RASAL1: variants seen among roughly 807,000 people sequenced by gnomAD.
RASAL1 encodes the protein RAS protein activator like 1.
A neutral mutation model predicts 96.6 loss-of-function variants in RASAL1; 72 were observed. That is an observed-to-expected ratio of 0.75 (90% confidence interval 0.62 to 0.91). The LOEUF (loss-of-function observed/expected upper bound fraction) is 0.91, where lower values mean the gene tolerates loss of function less well. Ranked by LOEUF, RASAL1 falls within the 40% of genes least tolerant of loss-of-function variation. RASAL1 has a pLI of 0.00. For synonymous variants in RASAL1, 405 were observed against 430.4 expected (o/e 0.94, Z 0.73); for missense variants, 1,016 against 1,072.5 (o/e 0.95, Z 0.74).
Position 113,115,383 on chromosome 12 carries a change from T to A in RASAL1, c.1004-119A>T, listed in dbSNP as rs907802369. On this transcript the variant is annotated intron_variant, in intron 10 of 20. Transcript: ENST00000548055. This position sits in a 1 kb window ranked among gnomAD's most constrained non-coding sequence, Gnocchi z 4.1. ...CCAAGAATCAGGAAGACCCAAAACA[T>A]CAACCCCATTCACAGTACAGAGGCC... The A allele has an allele frequency of 1.8e-6, 2 of 1,088,022 alleles. No homozygotes were observed. The highest frequency in any genetic ancestry group is 2.8e-6 in the Non-Finnish European group (2 of 712,606). The allele number at this position is 1,088,022 out of a possible 1,614,324, so 67.4% of individuals were successfully genotyped here.
chr12:113,102,153 T>C, intron 18 of RASAL1, 144 bp from the exon 19 acceptor site: 2 of 1,018,682 alleles, frequency 2.0e-6, no homozygotes, highest in East Asian at 2.5e-5. Context: ...CGGTGGCTCA[T>C]GCCTGTAATC....
chr12:113,131,968 C>CTTTTTTTTTTT (rs34936583), intron 1 of RASAL1, among the ~76,000 whole-genome samples: 1 of 118,716 alleles, frequency 8.4e-6, no homozygotes, highest in Non-Finnish European at 1.8e-5. Context: ...TCTTCTTCTT[C>CTTTTTTTTTTT]TTTTTTTTTT....
chr12:113,100,793 CCAT>C (rs555389761), intron 19 of RASAL1, 113 bp from the exon 20 acceptor site: 829 of 785,118 alleles, frequency 1.1e-3, no homozygotes, highest in East Asian at 1.4e-3. Context: ...TCACCATCTA[CCAT>C]CATCATCATC....
At chr12:113,113,434 C>T (rs1950949394) in intron 12 of RASAL1, among the ~76,000 whole-genome samples, 1 of 152,174 alleles carries the variant, frequency 6.6e-6, no homozygotes, top group Non-Finnish European at 1.5e-5. Context: ...GTCCAGGTCC[C>T]TACATGCCCC....
chr12:113,113,862 T>C (rs1294804316), intron 12 of RASAL1, among the ~76,000 whole-genome samples: 1 of 152,150 alleles, frequency 6.6e-6, no homozygotes, highest in East Asian at 1.9e-4. Context: ...CCCAATCTCA[T>C]TGAGCTCTCC....
intron 4 of RASAL1, among the ~76,000 whole-genome samples, chr12:113,126,688 TCACACA>T (rs71455143): frequency 0.024 from 3,386 of 138,994 alleles, 65 homozygotes; most frequent in South Asian, 0.074. Context: ...TCTCTCTCTC[TCACACA>T]CACACACACA....
At chr12:113,131,759 T>C (rs1253351193) in intron 1 of RASAL1, among the ~76,000 whole-genome samples, 1 of 152,130 alleles carries the variant, frequency 6.6e-6, no homozygotes, top group African/African-American at 2.4e-5. Context: ...TTCTTTGTCT[T>C]TCATCAGGCC....
chr12:113,117,239 TG>T, intron 7 of RASAL1, 78 bp from the exon 8 acceptor site: 3 of 1,109,156 alleles, frequency 2.7e-6, no homozygotes, highest in Non-Finnish European at 3.8e-6. Context: ...CACCTAGCCC[TG>T]GAAGAACAGA....
rs976749254 is a variant in RASAL1, at chr12:113,107,142, C to T, written c.1612G>A (p.Val538Met). 5.0e-6 allele frequency: 8 copies of T among 1,613,770 alleles called. No homozygotes were observed. Among genetic ancestry groups the T allele is most frequent in the Non-Finnish European group, 6.8e-6 (8 of 1,179,842 alleles). ...ACCAGCCGGTCCAGGAAGTCTCTCA[C>T]ACGTGAGACACACTGCAGCAGGAAG... The part of the protein sequence containing the change: ...HPFLLQCVSR[V>M]RDFLDRLVDV... The change falls in exon 15 of 21, where the codon GTG becomes ATG. Residue 538 changes from valine to methionine, a missense_variant. By Grantham distance (21) the Val-to-Met change is conservative (BLOSUM62 1). Coordinates refer to ENST00000548055, the MANE Select transcript of RASAL1 (RefSeq NM_001301202.2).
rs373801371 is a variant in RASAL1 at position 113,114,805 on chromosome 12, G to A, written c.1176C>T (p.Arg392=). ...GGTCCTCAGGCTTTGCTCACCGGGTGCGGCCCAGGTCCATCTTGCAGGGAT... is the reference window on the plus strand; with the variant it reads ...GGTCCTCAGGCTTTGCTCACCGGGTACGGCCCAGGTCCATCTTGCAGGGAT... The part of the protein sequence containing the change: ...ELDPCKMDLG[R]TRRISFKGAL... The change falls in exon 12 of 21, where the codon CGC becomes CGT. Residue 392 remains arginine (R), a synonymous_variant. Coordinates refer to ENST00000548055, the MANE Select transcript of RASAL1 (RefSeq NM_001301202.2). 7.4e-6 allele frequency: 12 copies of A among 1,613,376 alleles called. No individual in the cohort carries two copies. The highest frequency in any genetic ancestry group is 1.0e-5 in the Non-Finnish European group (12 of 1,179,332).
intron 4 of RASAL1, 30 bp downstream of exon 4, chr12:113,127,782 C>T: frequency 2.5e-6 from 4 of 1,593,396 alleles, no homozygotes; most frequent in Non-Finnish European, 3.4e-6. Context: ...GCATGGCCCC[C>T]TCCTCCCTCT....
rs1349126439 is a variant in RASAL1 at position 113,105,750 on chromosome 12, C to T, written c.1794G>A (p.Gly598=). The change falls in exon 16 of 21, where the codon GGG becomes GGA. Residue 598 remains glycine, a synonymous_variant. Transcript: ENST00000548055. ...AFKKRYVWLS[G]ETLSFSKSPE... ...GACTCTTGGAGAAGGAGAGGGTCTCCCCGCTGAGCCAGACGTAGCGCTTCT... is the reference window on the plus strand; with the variant it reads ...GACTCTTGGAGAAGGAGAGGGTCTCTCCGCTGAGCCAGACGTAGCGCTTCT... The T allele has an allele frequency of 2.5e-6, 4 of 1,612,944 alleles. No individual in the cohort carries two copies. Among genetic ancestry groups the T allele is most frequent in the African/African-American group, 1.3e-5 (1 of 74,912 alleles).
rs1214483164 is a variant in RASAL1 at position 113,125,534 on chromosome 12, T to C, written c.298+2278A>G. ...CATGGAGAAGTGCAAAATAAACCTATGCTGAGGCAATATTTCACCTATCAG... is the reference window on the plus strand; with the variant it reads ...CATGGAGAAGTGCAAAATAAACCTACGCTGAGGCAATATTTCACCTATCAG... On this transcript the variant is annotated intron_variant, in intron 4 of 20. Transcript: ENST00000548055. Among the ~76,000 whole-genome samples the C allele has an allele frequency of 4.6e-5, 7 of 152,222 alleles. No homozygotes were observed. The South Asian group carries it at 6.2e-4, about 13-fold the overall frequency.
At chr12:113,126,690 A>T (rs1555246796) in intron 4 of RASAL1, among the ~76,000 whole-genome samples, 2,589 of 114,234 alleles carry the variant, frequency 0.023, 28 homozygotes, top group African/African-American at 0.058. Context: ...TCTCTCTCTC[A>T]CACACACACA....
chr12:113,127,474 C>T (rs1344080300), intron 4 of RASAL1, among the ~76,000 whole-genome samples: 2 of 151,930 alleles, frequency 1.3e-5, no homozygotes, highest in Non-Finnish European at 1.5e-5. Context: ...AGCAAGACTC[C>T]GTATCTATAA....
In RASAL1 at chr12:113,099,770, A is replaced by G; in HGVS notation, c.*159T>C. On this transcript the variant is annotated 3_prime_UTR_variant, in exon 21 of 21. Transcript: ENST00000548055. ...CCTGCCAAAGGGCTTCCATGCCCTGAGTTCTGGACTCAAGGCACACAGGAC... is the reference window on the plus strand; with the variant it reads ...CCTGCCAAAGGGCTTCCATGCCCTGGGTTCTGGACTCAAGGCACACAGGAC... The G allele has an allele frequency of 9.5e-7, 1 of 1,056,238 alleles. No individual in the cohort carries two copies. Among genetic ancestry groups the G allele is most frequent in the Non-Finnish European group, 1.3e-6 (1 of 742,364 alleles). The allele number at this position is 1,056,238 out of a possible 1,614,324, so 65.4% of individuals were successfully genotyped here.
chr12:113,128,195 AG>A lies in RASAL1; in HGVS notation c.123-18del. The stretch of plus-strand genomic sequence containing the variant: ...GTAGCTGTCCTGCAAAAGGAGGTGC[AG>A]GGGGCTGGGGTCCTCGGGCCACACA... On this transcript the variant is annotated intron_variant, in intron 2 of 20. Coordinates refer to ENST00000548055, the MANE Select transcript of RASAL1 (RefSeq NM_001301202.2). The A allele has an allele frequency of 6.3e-7, 1 of 1,586,954 alleles. No homozygotes were observed. Among genetic ancestry groups the A allele is most frequent in the Non-Finnish European group, 8.6e-7 (1 of 1,159,164 alleles).
chr12:113,127,997 C>A (rs2305907), intron 3 of RASAL1, 68 bp downstream of exon 3: 1 of 1,560,582 alleles, frequency 6.4e-7, no homozygotes, highest in Non-Finnish European at 8.8e-7. Flanking sequence ...GGACCCACAT[C>A]CCCTCTCCCC....
intron 12 of RASAL1, among the ~76,000 whole-genome samples, chr12:113,114,599 T>A (rs1191682577): frequency 6.6e-6 from 1 of 152,114 alleles, no homozygotes. Context: ...GCGCTTAGCA[T>A]CAGAGTCCTG....
Sources: gnomAD v4.1 joint callset for allele counts (sites outside exome capture counted in the v4.1 genomes callset) on GRCh38, gnomAD v4.1.1 for gene constraint, Gnocchi (gnomAD v3.1) non-coding constraint, MANE v1.5 for transcripts, NCBI Gene and HGNC (gene_info 2026-07-23, HGNC 2026-07-21) for gene names.